Variants in CADM1 observed in about 807,000 individuals in gnomAD.
CADM1 encodes cell adhesion molecule 1.
In CADM1, 15 loss-of-function variants were observed where a neutral mutation model predicts 53.1. The ratio of observed to expected loss-of-function variants is 0.28; its 90% CI spans 0.19 to 0.44. CADM1 has a LOEUF of 0.44. CADM1 is among the 20% of genes least tolerant of loss of function. CADM1 has a pLI of 1.00. For synonymous variants in CADM1, 281 were observed against 243.0 expected (o/e 1.16, Z -1.45); for missense variants, 434 against 611.3 (o/e 0.71, Z 3.06).
At chr11:115,240,662 T>C (rs904866821) in intron 1 of CADM1, 5 of 542,938 alleles carry the variant, frequency 9.2e-6, no homozygotes, top group African/African-American at 1.9e-5. Context: ...TACAAAAGGT[T>C]TCAGCCTCTA....
At chr11:115,338,424 C>G (rs2135236937) in intron 1 of CADM1, among the ~76,000 whole-genome samples, 1 of 152,208 alleles carries the variant, frequency 6.6e-6, no homozygotes, top group South Asian at 2.1e-4. Flanking sequence ...GTTCATGTCT[C>G]AAATTTTAGA....
intron 1 of CADM1, among the ~76,000 whole-genome samples, chr11:115,385,555 C>G (rs1946678268): frequency 6.6e-6 from 1 of 150,720 alleles, no homozygotes; most frequent in South Asian, 2.1e-4. Context: ...TTATGTTTGC[C>G]TTGGAATGTA....
At chr11:115,229,082 C>A in intron 5 of CADM1, 31 bp downstream of exon 5, 5 of 1,611,148 alleles carry the variant, frequency 3.1e-6, no homozygotes, top group Non-Finnish European at 4.2e-6. Context: ...TGCAACTCTA[C>A]GCCCTCAGAA....
intron 1 of CADM1, among the ~76,000 whole-genome samples, chr11:115,277,012 T>C (rs1476663485): frequency 6.6e-6 from 1 of 152,148 alleles, no homozygotes; most frequent in Non-Finnish European, 1.5e-5. Flanking sequence ...ATCCAGTAAA[T>C]TGCGAGCCCG....
chr11:115,464,280 A>G (rs1368444435), intron 1 of CADM1, among the ~76,000 whole-genome samples: 1 of 152,240 alleles, frequency 6.6e-6, no homozygotes, highest in African/African-American at 2.4e-5. Context: ...TAAAAAATAT[A>G]AAAGTCTATT....
chr11:115,324,237 CAT>C lies in CADM1; in HGVS notation c.125-83819_125-83818del, dbSNP rs529452395. Among the ~76,000 whole-genome samples, 820 of 152,298 alleles carry C rather than the reference CAT, an allele frequency of 5.4e-3. 9 individuals are homozygous for C. The highest frequency in any genetic ancestry group is 0.018 in the African/African-American group (756 of 41,564). On this transcript the variant is annotated intron_variant, in intron 1 of 11. Coordinates refer to ENST00000331581, the MANE Select transcript of CADM1 (RefSeq NM_001301043.2). ...CTTAATGTACCCGTAAAAGTAATCA[CAT>C]GTCTTCCTTTAGACTTCTCTGAACT...
intron 1 of CADM1, among the ~76,000 whole-genome samples, chr11:115,338,815 C>CT (rs1313668076): frequency 6.6e-6 from 1 of 151,198 alleles, no homozygotes; most frequent in Non-Finnish European, 1.5e-5. Context: ...GTGCTATATG[C>CT]TTTGTAAGAT....
At chr11:115,338,895 T>A (rs1467968847) in intron 1 of CADM1, among the ~76,000 whole-genome samples, 7 of 65,170 alleles carry the variant, frequency 1.1e-4, no homozygotes, top group Admixed American at 2.7e-4. Flanking sequence ...TTTTTTAATT[T>A]TTTTTTTTTT....
intron 1 of CADM1, among the ~76,000 whole-genome samples, chr11:115,494,886 G>A (rs1453904889): frequency 6.6e-6 from 1 of 152,128 alleles, no homozygotes; most frequent in East Asian, 1.9e-4. Context: ...TTACTATCCT[G>A]TAATCTTAAC....
chr11:115,425,708 G>T (rs1247617773), intron 1 of CADM1, among the ~76,000 whole-genome samples: 1 of 152,178 alleles, frequency 6.6e-6, no homozygotes, highest in Admixed American at 6.5e-5. Flanking sequence ...ACAATAATAT[G>T]TACCTCTCTT....
rs555943517 is a variant in CADM1, at chr11:115,238,491, G to A, written c.424+9C>T. On this transcript the variant is annotated intron_variant, in intron 3 of 11. Coordinates refer to ENST00000331581, the MANE Select transcript of CADM1 (RefSeq NM_001301043.2). ...ATTTCCCCGGGTAAGCCCCACATGC[G>A]TTTCTTACCCAGGACTGTGATGGTG... 28 of 1,613,762 alleles carry A rather than the reference G, an allele frequency of 1.7e-5. No homozygotes were observed. The highest frequency in any genetic ancestry group is 5.0e-5 in the Admixed American group (3 of 60,008).
At chr11:115,431,014 C>T (rs1448790293) in intron 1 of CADM1, among the ~76,000 whole-genome samples, 3 of 152,230 alleles carry the variant, frequency 2.0e-5, no homozygotes, top group Admixed American at 6.5e-5. Context: ...TGGCTTGGAA[C>T]TGCTTCTTTT....
intron 10 of CADM1, among the ~76,000 whole-genome samples, chr11:115,188,671 T>G (rs1448579634): frequency 2.6e-5 from 4 of 152,212 alleles, no homozygotes; most frequent in African/African-American, 9.6e-5. Context: ...TAGCATTAAA[T>G]GTGCAACACC....
At chr11:115,443,005 G>A (rs906479593) in intron 1 of CADM1, among the ~76,000 whole-genome samples, 1 of 152,172 alleles carries the variant, frequency 6.6e-6, no homozygotes, top group African/African-American at 2.4e-5. Flanking sequence ...TCTCCTCTAA[G>A]CATATGCCAA....
rs915608362 is a variant in CADM1, at chr11:115,249,944, G to C, written c.125-9524C>G. On this transcript the variant is annotated intron_variant, in intron 1 of 11. Coordinates refer to ENST00000331581, the MANE Select transcript of CADM1 (RefSeq NM_001301043.2). ...CTTTGAGACAGAGTCTCCCTCTGTT[G>C]CCCAGGCTGCAGTGCAGTAGTGCGA... is the stretch of plus-strand genomic sequence containing the variant. Among the ~76,000 whole-genome samples the C allele has an allele frequency of 4.7e-5, 7 of 147,820 alleles. No individual in the cohort carries two copies. In the South Asian group the frequency reaches 6.6e-4, roughly 14 times the overall value.
chr11:115,283,578 T>C (rs1943643619), intron 1 of CADM1, among the ~76,000 whole-genome samples: 1 of 152,174 alleles, frequency 6.6e-6, no homozygotes, highest in Non-Finnish European at 1.5e-5. Context: ...CCTATAGGGT[T>C]TAAAAAGGCA....
chr11:115,241,502 C>T (rs1326400380), intron 1 of CADM1, among the ~76,000 whole-genome samples: 1 of 152,158 alleles, frequency 6.6e-6, no homozygotes, highest in Non-Finnish European at 1.5e-5. Flanking sequence ...GCTGTGTGAT[C>T]TCTGGAAAAT....
chr11:115,272,169 C>T (rs535833460), intron 1 of CADM1, among the ~76,000 whole-genome samples: 5 of 151,978 alleles, frequency 3.3e-5, no homozygotes, highest in East Asian at 1.9e-4. Flanking sequence ...ATTAAAATCC[C>T]GACCTCAGAC....
At chr11:115,422,439 A>G (rs551463394) in intron 1 of CADM1, among the ~76,000 whole-genome samples, 1 of 152,358 alleles carries the variant, frequency 6.6e-6, no homozygotes, top group Admixed American at 6.5e-5. Flanking sequence ...CTCCATCTTC[A>G]AGAAGATGAT....
Sources: gnomAD v4.1 joint callset for allele counts (sites outside exome capture counted in the v4.1 genomes callset) on GRCh38, gnomAD v4.1.1 for gene constraint, MANE v1.5 for transcripts, NCBI Gene and HGNC (gene_info 2026-07-23, HGNC 2026-07-21) for gene names.